Variants in SIPA1L2 observed in about 807,000 individuals in gnomAD.
SIPA1L2 encodes the protein signal induced proliferation associated 1 like 2.
A neutral mutation model predicts 163.9 loss-of-function variants in SIPA1L2; 56 were observed. The ratio of observed to expected loss-of-function variants is 0.34; its 90% CI spans 0.28 to 0.43. SIPA1L2 has a LOEUF of 0.43. SIPA1L2 is among the 20% of genes least tolerant of loss of function. The pLI is 1.00. For missense variants in SIPA1L2, 1,974 were observed against 2,193.5 expected, an observed-to-expected ratio of 0.90 and a Z score of 2.00; for synonymous variants, 877 against 865.7, an observed-to-expected ratio of 1.01 and a Z score of -0.23.
At chr1:232,453,514 G>T (rs1475620050) in intron 10 of SIPA1L2, among the ~76,000 whole-genome samples, 1 of 152,178 alleles carries the variant, frequency 6.6e-6, no homozygotes, top group African/African-American at 2.4e-5. Flanking sequence ...ACAAAGTACT[G>T]CAATGCTATT....
At chr1:232,568,654 T>A (rs997149588) in intron 2 of SIPA1L2, among the ~76,000 whole-genome samples, 1 of 152,192 alleles carries the variant, frequency 6.6e-6, no homozygotes, top group Non-Finnish European at 1.5e-5. Flanking sequence ...TCTGCTCAGC[T>A]TGCCTCAGGC....
chr1:232,436,879 G>A (rs563086080), intron 15 of SIPA1L2, among the ~76,000 whole-genome samples: 13 of 152,316 alleles, frequency 8.5e-5, no homozygotes, highest in Admixed American at 1.3e-4. Context: ...AAGTTGAAAT[G>A]TGGCTTCAAA....
intron 8 of SIPA1L2, among the ~76,000 whole-genome samples, chr1:232,468,453 A>T (rs966341291): frequency 1.3e-5 from 2 of 152,210 alleles, no homozygotes; most frequent in Non-Finnish European, 2.9e-5. Flanking sequence ...CCACCTCCTG[A>T]GTGACTGAGC....
chr1:232,557,323 T>TA, intron 2 of SIPA1L2, among the ~76,000 whole-genome samples: 1 of 152,290 alleles, frequency 6.6e-6, no homozygotes, highest in Middle Eastern at 3.4e-3. Context: ...AGATAAGCCA[T>TA]AACGGACTCT....
intron 5 of SIPA1L2, among the ~76,000 whole-genome samples, chr1:232,486,894 TC>T (rs1389792381): frequency 2.0e-5 from 3 of 152,208 alleles, no homozygotes; most frequent in Non-Finnish European, 4.4e-5. Flanking sequence ...AAGGAGGGAC[TC>T]CAGATTCCAT....
chr1:232,480,158 T>TGTGTGC (rs1293413733), intron 6 of SIPA1L2, among the ~76,000 whole-genome samples: 58 of 115,838 alleles, frequency 5.0e-4, no homozygotes, highest in Middle Eastern at 3.8e-3. Context: ...TGTGTGCGTG[T>TGTGTGC]GTGTGTGTGT....
chr1:232,486,454 GC>G (rs1665653137), intron 5 of SIPA1L2, among the ~76,000 whole-genome samples: 1 of 152,138 alleles, frequency 6.6e-6, no homozygotes, highest in Admixed American at 6.6e-5. Context: ...AAGCTCCTGG[GC>G]CCATGGGAAT....
intron 5 of SIPA1L2, among the ~76,000 whole-genome samples, chr1:232,490,233 C>T (rs939077616): frequency 7.2e-5 from 11 of 152,120 alleles, no homozygotes; most frequent in Admixed American, 5.2e-4. Flanking sequence ...GTTCCTAAAA[C>T]AGCAACTACT....
chr1:232,479,763 A>C, intron 6 of SIPA1L2, 33 bp from the exon 7 acceptor site: 2 of 1,575,506 alleles, frequency 1.3e-6, no homozygotes, highest in Admixed American at 3.3e-5. Flanking sequence ...GAAGCAAGGT[A>C]AGCTGCTACA....
intron 2 of SIPA1L2, among the ~76,000 whole-genome samples, chr1:232,532,837 C>G (rs1657054618): frequency 6.6e-6 from 1 of 152,136 alleles, no homozygotes; most frequent in South Asian, 2.1e-4. Flanking sequence ...CACTGAGGTA[C>G]AGCAGAGCAA....
At chr1:232,563,149 G>A (rs1659144178) in intron 2 of SIPA1L2, among the ~76,000 whole-genome samples, 1 of 152,202 alleles carries the variant, frequency 6.6e-6, no homozygotes, top group African/African-American at 2.4e-5. Context: ...AACCTATTGT[G>A]TGGTGTAGTG....
intron 1 of SIPA1L2, among the ~76,000 whole-genome samples, chr1:232,575,288 G>C (rs916718763): frequency 6.6e-6 from 1 of 152,150 alleles, no homozygotes; most frequent in African/African-American, 2.4e-5. Context: ...GGGCACCCCA[G>C]AGACAGTCCC....
intron 1 of SIPA1L2, among the ~76,000 whole-genome samples, chr1:232,590,920 C>G (rs1360615672): frequency 1.3e-5 from 2 of 152,230 alleles, no homozygotes; most frequent in Non-Finnish European, 2.9e-5. Flanking sequence ...AAGGACTGTG[C>G]TTTGTAAGAG....
chr1:232,425,784 G>A lies in SIPA1L2; in HGVS notation c.4435C>T (p.Pro1479Ser). 6.2e-7 allele frequency: 1 copy of A among 1,613,966 alleles called. No homozygotes were observed. Among genetic ancestry groups the A allele is most frequent in the Non-Finnish European group, 8.5e-7 (1 of 1,179,944 alleles). ...AGCGTGCGGTAAAGCGACCTCCTTG[G>A]AGACAGGTTCCCATAGAACGAAAAC... The part of the protein sequence containing the change: ...RKFSFYGNLS[P>S]RRSLYRTLSD... Residue 1479 changes from proline (P) to serine (S), a missense_variant, in exon 18 of 23, where the codon CCA becomes TCA. By Grantham distance (74) the Pro-to-Ser change is moderately conservative. This residue lies in a region of SIPA1L2 where 1,079 missense variants were observed against 1,150.7 expected (regional missense o/e 0.94). Coordinates refer to ENST00000674635, the MANE Select transcript of SIPA1L2 (RefSeq NM_020808.5).
intron 1 of SIPA1L2, among the ~76,000 whole-genome samples, chr1:232,578,977 A>T (rs562049231): frequency 1.8e-4 from 27 of 152,268 alleles, no homozygotes; most frequent in Admixed American, 1.7e-3. Flanking sequence ...CAAGCAACAG[A>T]GCTTGGGGCC....
chr1:232,621,142 C>T lies in SIPA1L2; in HGVS notation c.-319+8727G>A, dbSNP rs185897948. Among the ~76,000 whole-genome samples the T allele has an allele frequency of 1.4e-3, 215 of 152,288 alleles. 1 individual carries two copies. The highest frequency in any genetic ancestry group is 5.0e-3 in the African/African-American group (206 of 41,546). On this transcript the variant is annotated intron_variant, in intron 1 of 22. Coordinates refer to ENST00000674635, the MANE Select transcript of SIPA1L2 (RefSeq NM_020808.5). ...ACAGAAGGACCCACTCACTTCCCAA[C>T]AAAGAATATATAACCTGATTCAATC... is the stretch of plus-strand genomic sequence containing the variant.
At chr1:232,417,744 A>C (rs1197177163) in intron 18 of SIPA1L2, among the ~76,000 whole-genome samples, 2 of 152,224 alleles carry the variant, frequency 1.3e-5, no homozygotes, top group African/African-American at 4.8e-5. Flanking sequence ...TCTGCAACTC[A>C]TATGCTGCTT....
chr1:232,405,754 A>G (rs1345356251), intron 19 of SIPA1L2, among the ~76,000 whole-genome samples: 1 of 152,196 alleles, frequency 6.6e-6, no homozygotes, highest in East Asian at 1.9e-4. Flanking sequence ...TCATTGACTC[A>G]TCCTTGTTTT....
chr1:232,584,599 T>G (rs1660556061), intron 1 of SIPA1L2, among the ~76,000 whole-genome samples: 1 of 152,248 alleles, frequency 6.6e-6, no homozygotes, highest in Non-Finnish European at 1.5e-5. Context: ...AAAAATGTGA[T>G]CAAACAAATT....
Sources: allele counts gnomAD v4.1 joint callset (sites outside exome capture counted in the v4.1 genomes callset), GRCh38; gene constraint gnomAD v4.1.1; regional missense constraint gnomAD v4.1.1; transcripts MANE v1.5; gene names NCBI Gene and HGNC (gene_info 2026-07-23, HGNC 2026-07-21).